Variants in SPDYE10 observed in about 807,000 individuals in gnomAD.
The protein encoded by SPDYE10 is speedy/RINGO cell cycle regulator family member E10.
At chr7:73,132,785 G>C in the SPDYE10 span, among the ~76,000 whole-genome samples, 2 of 150,080 alleles carry the variant, frequency 1.3e-5, no homozygotes, top group African/African-American at 4.9e-5. Flanking sequence ...GCTCTGAAAG[G>C]TTCTCAGTTG....
the SPDYE10 span, among the ~76,000 whole-genome samples, chr7:73,125,351 C>T: frequency 2.0e-5 from 3 of 146,828 alleles, no homozygotes; most frequent in African/African-American, 8.1e-5. Context: ...CCAGTCTTCT[C>T]TTGGGCTAGA....
At chr7:73,125,544 A>G in the SPDYE10 span, among the ~76,000 whole-genome samples, 1 of 83,056 alleles carries the variant, frequency 1.2e-5, no homozygotes, top group Non-Finnish European at 2.2e-5. Flanking sequence ...TTAGCCAGGC[A>G]TGGTAGCACA....
At chr7:73,115,142 C>T in the SPDYE10 span, among the ~76,000 whole-genome samples, 7 of 151,916 alleles carry the variant, frequency 4.6e-5, no homozygotes, top group South Asian at 4.2e-4. Context: ...ATGAACCACC[C>T]GCCTCAGCCT....
At chr7:73,116,903 T>G in the SPDYE10 span, among the ~76,000 whole-genome samples, 1 of 151,560 alleles carries the variant, frequency 6.6e-6, no homozygotes, top group Non-Finnish European at 1.5e-5. Context: ...ATTTGTTTTT[T>G]TTTTTTTTTT....
chr7:73,117,070 T>TTG, the SPDYE10 span, among the ~76,000 whole-genome samples: 1 of 80,436 alleles, frequency 1.2e-5, no homozygotes, highest in Non-Finnish European at 2.4e-5. Context: ...AATTTTTGGG[T>TTG]TTTTTTTTTT....
the SPDYE10 span, among the ~76,000 whole-genome samples, chr7:73,137,582 GAAAGA>G: frequency 7.4e-6 from 1 of 135,814 alleles, no homozygotes; most frequent in Middle Eastern, 3.6e-3. Context: ...AAGAAAGAAA[GAAAGA>G]AGAGATGAAA....
the SPDYE10 span, among the ~76,000 whole-genome samples, chr7:73,123,604 A>G: frequency 6.6e-6 from 1 of 152,144 alleles, no homozygotes; most frequent in Admixed American, 6.5e-5. Flanking sequence ...GATTACAGGC[A>G]TGTGCCACCA....
At chr7:73,127,096 T>TC in the SPDYE10 span, among the ~76,000 whole-genome samples, 1 of 61,360 alleles carries the variant, frequency 1.6e-5, no homozygotes, top group African/African-American at 1.0e-4. Flanking sequence ...TTTTTTTTTT[T>TC]TTTTTTTTTT....
At chr7:73,123,784 T>C in the SPDYE10 span, among the ~76,000 whole-genome samples, 12 of 143,828 alleles carry the variant, frequency 8.3e-5, no homozygotes, top group African/African-American at 2.2e-4. Flanking sequence ...TCTCTCTCTC[T>C]CTCCCTCTCT....
the SPDYE10 span, among the ~76,000 whole-genome samples, chr7:73,120,895 A>G: frequency 6.8e-6 from 1 of 147,658 alleles, no homozygotes; most frequent in Admixed American, 6.7e-5. Context: ...GCAGTGGCCC[A>G]CTGCAACCTC....
At chr7:73,135,048 C>T in the SPDYE10 span, among the ~76,000 whole-genome samples, 2 of 152,418 alleles carry the variant, frequency 1.3e-5, no homozygotes, top group South Asian at 4.1e-4. Context: ...CTGGAGCTGT[C>T]ATCCTCACCA....
the SPDYE10 span, among the ~76,000 whole-genome samples, chr7:73,154,525 G>C: frequency 6.9e-6 from 1 of 145,270 alleles, no homozygotes; most frequent in Non-Finnish European, 1.5e-5. Flanking sequence ...CAAGCTTTTC[G>C]GTTTGGCTTC....
chr7:73,135,553 T>G, the SPDYE10 span, among the ~76,000 whole-genome samples: 2 of 116,700 alleles, frequency 1.7e-5, no homozygotes, highest in African/African-American at 6.9e-5. Context: ...TGAGACAGAA[T>G]CCCACTCTGT....
the SPDYE10 span, among the ~76,000 whole-genome samples, chr7:73,136,853 CAG>C: frequency 4.8e-5 from 3 of 62,540 alleles, no homozygotes; most frequent in African/African-American, 2.5e-4. Flanking sequence ...GAGCCGGTCT[CAG>C]GGGGCATGAG....
At chr7:73,142,743 C>T in the SPDYE10 span, among the ~76,000 whole-genome samples, 1 of 152,054 alleles carries the variant, frequency 6.6e-6, no homozygotes, top group Non-Finnish European at 1.5e-5. Context: ...TCGAGACCAG[C>T]TTAGCCAACA....
At chr7:73,128,057 C>T in the SPDYE10 span, among the ~76,000 whole-genome samples, 1 of 150,626 alleles carries the variant, frequency 6.6e-6, no homozygotes, top group Admixed American at 6.6e-5. Context: ...AAAACAGAAA[C>T]AAAGTAAATG....
the SPDYE10 span, among the ~76,000 whole-genome samples, chr7:73,139,699 C>T: frequency 2.0e-5 from 3 of 147,982 alleles, no homozygotes; most frequent in Admixed American, 1.3e-4. Context: ...CTCTGTTGCC[C>T]AGGCTGGAGT....
the SPDYE10 span, among the ~76,000 whole-genome samples, chr7:73,120,719 C>T: frequency 5.0e-5 from 7 of 139,164 alleles, no homozygotes; most frequent in Middle Eastern, 3.8e-3. Flanking sequence ...ACCCAGGAGG[C>T]GGAGCTTGCA....
At chr7:73,114,592 A>G in the SPDYE10 span, among the ~76,000 whole-genome samples, 3 of 139,584 alleles carry the variant, frequency 2.1e-5, no homozygotes, top group East Asian at 4.7e-4. Flanking sequence ...GCTAGAGTAC[A>G]GTGGCATGAT....
Sources: gnomAD v4.1 joint callset for allele counts (sites outside exome capture counted in the v4.1 genomes callset) on GRCh38, gnomAD v4.1.1 for gene constraint, MANE v1.5 for transcripts, NCBI Gene and HGNC (gene_info 2026-07-23, HGNC 2026-07-21) for gene names.